Variants in CCSER1 observed in about 807,000 individuals in gnomAD.
CCSER1 encodes serine-rich coiled-coil domain-containing protein 1.
Under a neutral mutation model 82.0 loss-of-function variants are expected in CCSER1, and 41 were observed. That is an observed-to-expected ratio of 0.50 (90% CI 0.39 to 0.65). CCSER1 has a LOEUF of 0.65. Ranked by LOEUF, CCSER1 falls within the 30% of genes least tolerant of loss-of-function variation. CCSER1 has a pLI of 0.00. For missense variants in CCSER1, 1,119 were observed against 1,064.2 expected (o/e 1.05, Z -0.72); for synonymous variants, 414 against 383.9 (o/e 1.08, Z -0.92).
At chr4:90,906,565 T>A (rs1259947622) in intron 8 of CCSER1, among the ~76,000 whole-genome samples, 1 of 152,086 alleles carries the variant, frequency 6.6e-6, no homozygotes, top group African/African-American at 2.4e-5. Context: ...ATCAATACCA[T>A]AAAATAAAAT....
intron 4 of CCSER1, among the ~76,000 whole-genome samples, chr4:90,425,661 A>G (rs1757422096): frequency 6.6e-6 from 1 of 152,172 alleles, no homozygotes; most frequent in Non-Finnish European, 1.5e-5. Flanking sequence ...CATTCTCTGT[A>G]TTGTCCACAA....
At chr4:90,592,928 C>T (rs930874591) in intron 5 of CCSER1, among the ~76,000 whole-genome samples, 9 of 152,132 alleles carry the variant, frequency 5.9e-5, no homozygotes, top group African/African-American at 2.2e-4. Flanking sequence ...TCTATAACAT[C>T]AGGCTGGTGT....
chr4:90,945,050 G>T (rs1732065365), intron 9 of CCSER1, among the ~76,000 whole-genome samples: 1 of 152,156 alleles, frequency 6.6e-6, no homozygotes, highest in African/African-American at 2.4e-5. Flanking sequence ...AAAACAAGTT[G>T]AAGTGAGAGA....
chr4:90,152,638 C>T (rs938898254), intron 1 of CCSER1, among the ~76,000 whole-genome samples: 5 of 151,938 alleles, frequency 3.3e-5, no homozygotes, highest in Admixed American at 6.6e-5. Context: ...GAAAATGTAA[C>T]GTGTGTGTAG....
intron 7 of CCSER1, among the ~76,000 whole-genome samples, chr4:90,766,069 TG>T (rs1751173200): frequency 6.6e-6 from 1 of 152,152 alleles, no homozygotes; most frequent in South Asian, 2.1e-4. Flanking sequence ...TGTGTGTATG[TG>T]TCTGTGTGTG....
chr4:90,345,409 G>A (rs990139885), intron 3 of CCSER1, among the ~76,000 whole-genome samples: 3 of 152,050 alleles, frequency 2.0e-5, no homozygotes, highest in Non-Finnish European at 4.4e-5. Context: ...GAATCCTGTA[G>A]CAGAAGTTTA....
intron 10 of CCSER1, among the ~76,000 whole-genome samples, chr4:91,206,381 C>T (rs1736345236): frequency 6.6e-6 from 1 of 151,900 alleles, no homozygotes; most frequent in Non-Finnish European, 1.5e-5. Flanking sequence ...CCTCTGCCTT[C>T]AAGGCGCTGA....
chr4:90,942,913 A>G (rs965670605), intron 9 of CCSER1, among the ~76,000 whole-genome samples: 1 of 147,590 alleles, frequency 6.8e-6, no homozygotes, highest in African/African-American at 2.5e-5. Flanking sequence ...TATTATATAT[A>G]AAATGTATAT....
At chr4:91,490,894 A>C (rs1758488594) in intron 10 of CCSER1, among the ~76,000 whole-genome samples, 1 of 62,190 alleles carries the variant, frequency 1.6e-5, no homozygotes, top group Non-Finnish European at 3.1e-5. Flanking sequence ...ATATATATAT[A>C]TATATATATA....
intron 10 of CCSER1, among the ~76,000 whole-genome samples, chr4:91,162,722 G>A (rs1166700805): frequency 2.6e-5 from 4 of 152,174 alleles, no homozygotes; most frequent in Admixed American, 1.3e-4. Context: ...TTGCATAGAG[G>A]TGTTTATAGT....
chr4:90,617,425 A>G (rs1320767661), intron 5 of CCSER1, among the ~76,000 whole-genome samples: 1 of 152,080 alleles, frequency 6.6e-6, no homozygotes, highest in Non-Finnish European at 1.5e-5. Context: ...TAAAAGAAAA[A>G]CCATCCTATG....
intron 4 of CCSER1, among the ~76,000 whole-genome samples, chr4:90,418,077 G>A (rs1015809143): frequency 6.6e-6 from 1 of 152,040 alleles, no homozygotes; most frequent in Admixed American, 6.6e-5. Flanking sequence ...TCAACCACCA[G>A]CCAGGCTATG....
rs551293631 is a variant in CCSER1 at position 90,547,670 on chromosome 4, A to G, written c.1724+79316A>G. ...CAGAAAATAACATTCTAAGGAAAAT[A>G]TCCTAGTTCTTTCTCTAAAATACAC... On this transcript the variant is annotated intron_variant, in intron 5 of 10. Transcript: ENST00000509176. 1.5e-3 allele frequency among the ~76,000 whole-genome samples: 222 copies of G among 152,262 alleles called. 6 individuals are homozygous for G. In the South Asian group the frequency reaches 0.045, roughly 31 times the overall value.
chr4:90,275,144 CTT>C (rs1727302272), intron 1 of CCSER1, among the ~76,000 whole-genome samples: 1 of 152,082 alleles, frequency 6.6e-6, no homozygotes, highest in Non-Finnish European at 1.5e-5. Context: ...CATTGGAAGA[CTT>C]TATAAGTAGC....
intron 1 of CCSER1, among the ~76,000 whole-genome samples, chr4:90,288,705 A>T (rs911339249): frequency 6.6e-6 from 1 of 151,946 alleles, no homozygotes; most frequent in Non-Finnish European, 1.5e-5. Context: ...CTTTTAGATA[A>T]CTAATTTCTC....
intron 8 of CCSER1, among the ~76,000 whole-genome samples, chr4:90,866,070 C>T (rs183612564): frequency 3.3e-5 from 5 of 151,932 alleles, no homozygotes; most frequent in Admixed American, 2.6e-4. Context: ...CCATGAGAAA[C>T]CACCCTCATG....
rs1270781155 is a variant in CCSER1, at chr4:90,442,237, C to T, written c.1604-25997C>T. Among the ~76,000 whole-genome samples, 5 of 151,842 alleles carry T rather than the reference C, an allele frequency of 3.3e-5. No individual in the cohort carries two copies. The South Asian group carries it at 6.2e-4, about 19-fold the overall frequency. On this transcript the variant is annotated intron_variant, in intron 4 of 10. Transcript: ENST00000509176. ...AAAAAATGAGACATCAGACTTAATA[C>T]AGGATCTCCCTCACTGTCACAGTCA... is the stretch of plus-strand genomic sequence containing the variant.
chr4:90,670,841 C>T (rs1285017114), intron 6 of CCSER1, among the ~76,000 whole-genome samples: 1 of 151,822 alleles, frequency 6.6e-6, no homozygotes, highest in Non-Finnish European at 1.5e-5. Flanking sequence ...AGGAAGAGGT[C>T]AAAATCTCTG....
At chr4:91,172,817 T>C (rs1732902914) in intron 10 of CCSER1, among the ~76,000 whole-genome samples, 1 of 106,592 alleles carries the variant, frequency 9.4e-6, no homozygotes, top group Non-Finnish European at 2.1e-5. Flanking sequence ...ACATAATAAA[T>C]AAACTGTGTT....
Sources: allele counts gnomAD v4.1 joint callset (sites outside exome capture counted in the v4.1 genomes callset), GRCh38; gene constraint gnomAD v4.1.1; transcripts MANE v1.5; gene names NCBI Gene and HGNC (gene_info 2026-07-23, HGNC 2026-07-21).